NME7: variants seen among roughly 807,000 people sequenced by gnomAD.
NME7 encodes NME/NM23 family member 7.
A neutral mutation model predicts 49.1 loss-of-function variants in NME7; 41 were observed. That is an observed-to-expected ratio of 0.83 (90% CI 0.65 to 1.08). The LOEUF is 1.08. Among genes scored for constraint, NME7 ranks in the 50% least tolerant of loss-of-function variants. The pLI is 0.00. For missense variants in NME7, 423 were observed against 463.4 expected, an observed-to-expected ratio of 0.91 and a Z score of 0.80; for synonymous variants, 139 against 150.6, an observed-to-expected ratio of 0.92 and a Z score of 0.56.
At chr1:169,137,023 AAT>A (rs1219707869) in intron 11 of NME7, among the ~76,000 whole-genome samples, 1 of 152,258 alleles carries the variant, frequency 6.6e-6, no homozygotes, top group African/African-American at 2.4e-5. Flanking sequence ...ACCAAATTAA[AAT>A]ATGTGTGCCT....
At chr1:169,345,511 G>A (rs541897283) in intron 1 of NME7, among the ~76,000 whole-genome samples, 1 of 152,046 alleles carries the variant, frequency 6.6e-6, no homozygotes, top group Admixed American at 6.5e-5. Flanking sequence ...GATTACATGA[G>A]TGAACCATCA....
chr1:169,249,965 G>C (rs1283160373), intron 7 of NME7, among the ~76,000 whole-genome samples: 1 of 151,974 alleles, frequency 6.6e-6, no homozygotes, highest in Non-Finnish European at 1.5e-5. Flanking sequence ...CCTGGTTGTG[G>C]TATCAGAATG....
At position 169,274,580 on chromosome 1, in the gene NME7, T is replaced by C. The variant is rs1381289864; in HGVS notation, c.754+12723A>G. On this transcript the variant is annotated intron_variant, in intron 7 of 11. Transcript: ENST00000367811. ...GAATGGTATTGCCTAGGTTTTCTTCTAGGGTTTTTATGGTTTTAGGTCTAA... is the reference window on the plus strand; with the variant it reads ...GAATGGTATTGCCTAGGTTTTCTTCCAGGGTTTTTATGGTTTTAGGTCTAA... Among the ~76,000 whole-genome samples, 2 of 133,448 alleles carry C rather than the reference T, an allele frequency of 1.5e-5. 1 individual carries two copies. Among genetic ancestry groups the C allele is most frequent in the Non-Finnish European group, 3.5e-5 (2 of 56,680 alleles). 87.5% of individuals were successfully genotyped at this position (133,448 alleles called of 152,430 possible). A position where few individuals can be genotyped will look rare whatever the true frequency, so the allele number is the denominator to read the frequency against.
At chr1:169,151,063 G>A (rs762212123) in intron 11 of NME7, among the ~76,000 whole-genome samples, 52 of 152,324 alleles carry the variant, frequency 3.4e-4, no homozygotes, top group Middle Eastern at 6.8e-3. Context: ...CAGGCAGCAA[G>A]GGATGGGCCC....
chr1:169,178,309 T>C (rs1190744410), intron 10 of NME7, among the ~76,000 whole-genome samples: 1 of 152,142 alleles, frequency 6.6e-6, no homozygotes, highest in African/African-American at 2.4e-5. Flanking sequence ...CTAGAATTCT[T>C]GCGATGTGGA....
intron 10 of NME7, among the ~76,000 whole-genome samples, chr1:169,188,836 A>C (rs1484738851): frequency 1.3e-5 from 2 of 152,186 alleles, no homozygotes; most frequent in Non-Finnish European, 2.9e-5. Context: ...ATTCTAAGAA[A>C]CTGGTAGTTA....
chr1:169,146,575 T>A (rs1267378957), intron 11 of NME7, among the ~76,000 whole-genome samples: 1 of 152,166 alleles, frequency 6.6e-6, no homozygotes, highest in African/African-American at 2.4e-5. Flanking sequence ...CCAAGAAATA[T>A]CATCTTTGAA....
chr1:169,338,905 A>G (rs115040495), intron 1 of NME7, among the ~76,000 whole-genome samples: 55 of 152,256 alleles, frequency 3.6e-4, no homozygotes, highest in African/African-American at 1.3e-3. Flanking sequence ...TCACGGGCAG[A>G]CTGATGTTCC....
intron 1 of NME7, among the ~76,000 whole-genome samples, chr1:169,366,734 T>C (rs186000115): frequency 6.6e-4 from 101 of 152,258 alleles, no homozygotes; most frequent in Non-Finnish European, 1.3e-3. Context: ...TACTCCATCA[T>C]GTTTAGAAAG....
At chr1:169,273,280 A>G (rs1378085269) in intron 7 of NME7, among the ~76,000 whole-genome samples, 2 of 129,052 alleles carry the variant, frequency 1.5e-5, no homozygotes, top group African/African-American at 5.2e-5. Flanking sequence ...TCATTGTTCA[A>G]CTCAGACTTA....
intron 7 of NME7, among the ~76,000 whole-genome samples, chr1:169,273,898 T>A (rs542602762): frequency 7.8e-6 from 1 of 128,688 alleles, no homozygotes; most frequent in African/African-American, 2.6e-5. Flanking sequence ...TCTTTGCTAT[T>A]GTGAATAGTG....
intron 7 of NME7, among the ~76,000 whole-genome samples, chr1:169,242,438 A>G (rs970158983): frequency 1.3e-5 from 2 of 152,108 alleles, no homozygotes; most frequent in African/African-American, 2.4e-5. Context: ...CCCCATCTTC[A>G]TAAACAGCAT....
At chr1:169,162,312 A>C (rs12755385) in intron 11 of NME7, among the ~76,000 whole-genome samples, 56,157 of 151,942 alleles carry the variant, frequency 0.37, 10,950 homozygotes, top group East Asian at 0.73. Context: ...TGGGCAATTA[A>C]ACTTATACAT....
intron 1 of NME7, among the ~76,000 whole-genome samples, chr1:169,335,913 C>T (rs1227869568): frequency 6.6e-6 from 1 of 151,696 alleles, no homozygotes; most frequent in Non-Finnish European, 1.5e-5. Context: ...TTTCACTTTG[C>T]CTTGAACATT....
chr1:169,269,047 T>A (rs1297839561), intron 7 of NME7, among the ~76,000 whole-genome samples: 1 of 133,770 alleles, frequency 7.5e-6, no homozygotes, highest in Non-Finnish European at 1.8e-5. Flanking sequence ...AAATGATTTT[T>A]CTTAAGCTTA....
chr1:169,204,188 C>T (rs1234098257), intron 10 of NME7, among the ~76,000 whole-genome samples: 1 of 151,560 alleles, frequency 6.6e-6, no homozygotes, highest in Admixed American at 6.6e-5. Context: ...TCTCTGGGGT[C>T]CCCTTGTCCA....
chr1:169,358,212 T>TGG (rs1653530001), intron 1 of NME7, among the ~76,000 whole-genome samples: 1 of 151,812 alleles, frequency 6.6e-6, no homozygotes, highest in African/African-American at 2.4e-5. Flanking sequence ...GGCAGCAATC[T>TGG]GGTTAATATG....
intron 10 of NME7, among the ~76,000 whole-genome samples, chr1:169,211,220 T>G (rs1174204060): frequency 6.6e-6 from 1 of 152,214 alleles, no homozygotes; most frequent in Non-Finnish European, 1.5e-5. Context: ...AACATTTTTG[T>G]AAAATAATTT....
At chr1:169,209,705 C>T (rs68023805) in intron 10 of NME7, among the ~76,000 whole-genome samples, 10,633 of 152,094 alleles carry the variant, frequency 0.07, 1,476 homozygotes, top group East Asian at 0.66. Flanking sequence ...CTGTTGCACT[C>T]AGAGTAAATA....
Sources: gnomAD v4.1 joint callset for allele counts (sites outside exome capture counted in the v4.1 genomes callset) on GRCh38, gnomAD v4.1.1 for gene constraint, MANE v1.5 for transcripts, NCBI Gene and HGNC (gene_info 2026-07-23, HGNC 2026-07-21) for gene names.